Variants in PID1 observed in about 807,000 individuals in gnomAD.
PID1 encodes phosphotyrosine interaction domain containing 1, also known as PTB-containing, cubilin and LRP1-interacting protein.
PID1 carries 10 observed loss-of-function variants against 19.1 expected under a neutral mutation model. That is an observed-to-expected ratio of 0.52 (90% confidence interval 0.32 to 0.89). The LOEUF is 0.89. PID1 is among the 40% of genes least tolerant of loss of function. The probability of loss-of-function intolerance (pLI) is 0.03; values close to 1 mark genes in which losing one functional copy is unlikely to be tolerated. For missense variants in PID1, 248 were observed against 285.3 expected, an observed-to-expected ratio of 0.87 and a Z score of 0.94; for synonymous variants, 130 against 116.0, an observed-to-expected ratio of 1.12 and a Z score of -0.78.
At chr2:229,036,736 A>G (rs571793881) in intron 2 of PID1, among the ~76,000 whole-genome samples, 9 of 152,288 alleles carry the variant, frequency 5.9e-5, no homozygotes, top group African/African-American at 1.9e-4. Flanking sequence ...CAACAGAGCT[A>G]GACTCCAGCT....
chr2:229,218,587 A>C (rs1475052700), intron 1 of PID1, among the ~76,000 whole-genome samples: 1 of 152,198 alleles, frequency 6.6e-6, no homozygotes, highest in Non-Finnish European at 1.5e-5. Flanking sequence ...TGGTGCAGAC[A>C]GGTCTCAGAG....
At chr2:229,228,810 C>CA (rs1574740674) in intron 1 of PID1, among the ~76,000 whole-genome samples, 2 of 152,182 alleles carry the variant, frequency 1.3e-5, no homozygotes, top group East Asian at 3.8e-4. Context: ...CTTTTATCCA[C>CA]AAAAATACCA....
chr2:229,126,411 G>A (rs1425020636), intron 2 of PID1, among the ~76,000 whole-genome samples: 1 of 151,876 alleles, frequency 6.6e-6, no homozygotes, highest in Non-Finnish European at 1.5e-5. Flanking sequence ...CAACCAACTG[G>A]GAATGGTCTG....
chr2:229,034,850 T>A (rs1395595586), intron 2 of PID1, among the ~76,000 whole-genome samples: 3 of 152,154 alleles, frequency 2.0e-5, no homozygotes, highest in African/African-American at 4.8e-5. Context: ...ATGGAGCCTA[T>A]GATGGAAAAT....
At chr2:229,201,066 G>C (rs953875942) in intron 1 of PID1, among the ~76,000 whole-genome samples, 1 of 152,002 alleles carries the variant, frequency 6.6e-6, no homozygotes, top group Non-Finnish European at 1.5e-5. Context: ...TTTTAAAACT[G>C]TGTGAAAACC....
chr2:229,128,007 G>A (rs1379957436), intron 2 of PID1, among the ~76,000 whole-genome samples: 1 of 152,174 alleles, frequency 6.6e-6, no homozygotes, highest in African/African-American at 2.4e-5. Flanking sequence ...TGCTGCTGAT[G>A]GAGCTACAAG....
chr2:229,157,946 A>T (rs1471788668), intron 1 of PID1, among the ~76,000 whole-genome samples: 1 of 146,408 alleles, frequency 6.8e-6, no homozygotes, highest in Non-Finnish European at 1.5e-5. Flanking sequence ...GTGGTGAGAG[A>T]AAGTGCACGT....
rs143214084 is a variant in PID1 at position 229,108,279 on chromosome 2, T to G, written c.177+47539A>C. Among the ~76,000 whole-genome samples, 3 of 152,330 alleles carry G rather than the reference T, an allele frequency of 2.0e-5. No homozygotes were observed. In the East Asian group the frequency reaches 5.8e-4, roughly 29 times the overall value. On this transcript the variant is annotated intron_variant, in intron 2 of 2. Transcript: ENST00000392055. ...CTTTAATGTATTTTTTAACTCAGTTTATTAGTTTATTAGGAGAGTCCAGTG... is the reference window on the plus strand; with the variant it reads ...CTTTAATGTATTTTTTAACTCAGTTGATTAGTTTATTAGGAGAGTCCAGTG...
chr2:229,154,838 A>G (rs1690332079), intron 2 of PID1, among the ~76,000 whole-genome samples: 1 of 152,220 alleles, frequency 6.6e-6, no homozygotes, highest in Admixed American at 6.5e-5. Flanking sequence ...AAACATCCAT[A>G]AAACATATTT....
At chr2:229,092,081 T>C (rs903209632) in intron 2 of PID1, among the ~76,000 whole-genome samples, 1 of 112,104 alleles carries the variant, frequency 8.9e-6, no homozygotes, top group African/African-American at 5.9e-5. Context: ...TGATTTCTTG[T>C]TGATATGAAT....
At chr2:229,146,829 C>A (rs1308143391) in intron 2 of PID1, among the ~76,000 whole-genome samples, 1 of 152,046 alleles carries the variant, frequency 6.6e-6, no homozygotes, top group African/African-American at 2.4e-5. Context: ...GCAATGTGAC[C>A]ACCATGCAGA....
At chr2:229,151,580 T>C (rs1026897359) in intron 2 of PID1, among the ~76,000 whole-genome samples, 3 of 151,838 alleles carry the variant, frequency 2.0e-5, no homozygotes, top group Admixed American at 2.0e-4. Context: ...TCTTTTTTTT[T>C]TTTTTTCTGA....
intron 2 of PID1, among the ~76,000 whole-genome samples, chr2:229,137,784 G>A (rs6436847): frequency 0.39 from 59,954 of 152,010 alleles, 12,014 homozygotes; most frequent in South Asian, 0.57. Flanking sequence ...TATGCTTTCT[G>A]TAAATGAAGC....
In PID1 at chr2:229,027,381, G is replaced by A. The variant is rs1033316362; in HGVS notation, c.178-1273C>T. 3.3e-5 allele frequency among the ~76,000 whole-genome samples: 5 copies of A among 152,168 alleles called. 1 individual carries two copies. Among genetic ancestry groups the A allele is most frequent in the South Asian group, 2.1e-4 (1 of 4,828 alleles). ...GATTGCTATGAAACTGGGGAGGGCC[G>A]AATATCCACGGGAAAGAAATAATTG... On this transcript the variant is annotated intron_variant, in intron 2 of 2. Transcript: ENST00000392055.
At chr2:229,048,327 C>T (rs930828046) in intron 2 of PID1, among the ~76,000 whole-genome samples, 30 of 152,266 alleles carry the variant, frequency 2.0e-4, no homozygotes, top group Admixed American at 1.3e-3. Context: ...TGCCAATCTG[C>T]ACTGCAGCCC....
chr2:229,265,298 T>TTA (rs1207152850), intron 1 of PID1, among the ~76,000 whole-genome samples: 1 of 152,242 alleles, frequency 6.6e-6, no homozygotes, highest in Non-Finnish European at 1.5e-5. Context: ...CTCAGCCAGA[T>TTA]TATTGATCCA....
At chr2:229,074,993 C>T (rs1694529178) in intron 2 of PID1, among the ~76,000 whole-genome samples, 1 of 152,168 alleles carries the variant, frequency 6.6e-6, no homozygotes, top group African/African-American at 2.4e-5. Flanking sequence ...GCATTTCTAT[C>T]AACCCACCAT....
At chr2:229,203,710 G>A (rs1045305328) in intron 1 of PID1, among the ~76,000 whole-genome samples, 11 of 151,800 alleles carry the variant, frequency 7.2e-5, no homozygotes, top group Non-Finnish European at 1.2e-4. Flanking sequence ...GAAGTAGTCT[G>A]CACACAGGTG....
intron 2 of PID1, among the ~76,000 whole-genome samples, chr2:229,059,685 G>A (rs968686709): frequency 7.2e-5 from 11 of 152,294 alleles, no homozygotes; most frequent in African/African-American, 2.4e-4. Flanking sequence ...TAAGTGCTAC[G>A]ATGTGTTTAC....
Sources: gnomAD v4.1 joint callset for allele counts (sites outside exome capture counted in the v4.1 genomes callset) on GRCh38, gnomAD v4.1.1 for gene constraint, MANE v1.5 for transcripts, NCBI Gene and HGNC (gene_info 2026-07-23, HGNC 2026-07-21) for gene names.